The following KIF6 variants were observed in gnomAD, a reference collection of about 807,000 sequenced individuals.
KIF6 encodes kinesin family member 6.
Under a neutral mutation model 112.7 loss-of-function variants are expected in KIF6, and 106 were observed. The observed-to-expected ratio is 0.94, with a 90% CI of 0.80 to 1.11. KIF6 has a LOEUF of 1.11. KIF6 is among the 50% of genes least tolerant of loss of function. The probability of loss-of-function intolerance (pLI) is 0.00; values close to 1 mark genes in which losing one functional copy is unlikely to be tolerated. For missense variants in KIF6, 929 were observed against 964.0 expected, an observed-to-expected ratio of 0.96 and a Z score of 0.48; for synonymous variants, 339 against 339.9, an observed-to-expected ratio of 1.00 and a Z score of 0.03.
At chr6:39,541,800 A>T (rs149373893) in intron 12 of KIF6, among the ~76,000 whole-genome samples, 130 of 152,322 alleles carry the variant, frequency 8.5e-4, no homozygotes, top group Non-Finnish European at 1.4e-3. Flanking sequence ...CTGAGCCATA[A>T]GAAGAACCAG....
chr6:39,595,609 G>C (rs1782207428), intron 7 of KIF6, among the ~76,000 whole-genome samples: 1 of 152,170 alleles, frequency 6.6e-6, no homozygotes, highest in Non-Finnish European at 1.5e-5. Context: ...CATACAATTG[G>C]ATATTGTTCA....
intron 13 of KIF6, among the ~76,000 whole-genome samples, chr6:39,497,283 A>G (rs1775841311): frequency 6.6e-6 from 1 of 152,214 alleles, no homozygotes; most frequent in African/African-American, 2.4e-5. Context: ...CTCAAAAACG[A>G]CTTTCCAGAT....
chr6:39,628,639 T>C (rs1020086036), intron 5 of KIF6, among the ~76,000 whole-genome samples: 2 of 152,178 alleles, frequency 1.3e-5, no homozygotes, highest in Admixed American at 1.3e-4. Flanking sequence ...ATCCAAGTTG[T>C]TAATTATCTC....
chr6:39,662,141 T>C (rs1786188375), intron 3 of KIF6, among the ~76,000 whole-genome samples: 1 of 152,216 alleles, frequency 6.6e-6, no homozygotes, highest in Admixed American at 6.5e-5. Context: ...ATTATGACTT[T>C]AATTTAAAAC....
intron 1 of KIF6, 63 bp from the exon 2 acceptor site, chr6:39,720,874 T>C (rs1301021248): frequency 9.2e-6 from 7 of 758,646 alleles, no homozygotes; most frequent in South Asian, 2.9e-5. Context: ...ACTATCACCA[T>C]GTTATTATGA....
intron 6 of KIF6, among the ~76,000 whole-genome samples, chr6:39,602,407 A>G (rs1782629465): frequency 6.6e-6 from 1 of 152,116 alleles, no homozygotes; most frequent in African/African-American, 2.4e-5. Context: ...CATTCATCTG[A>G]AAGATTACTT....
At chr6:39,543,451 C>T (rs554340295) in intron 12 of KIF6, among the ~76,000 whole-genome samples, 14 of 152,244 alleles carry the variant, frequency 9.2e-5, no homozygotes, top group Middle Eastern at 3.4e-3. Context: ...GAATCTGACA[C>T]ACAGGATCTG....
intron 13 of KIF6, among the ~76,000 whole-genome samples, chr6:39,506,443 G>T (rs1161682847): frequency 6.6e-6 from 1 of 152,028 alleles, no homozygotes; most frequent in Non-Finnish European, 1.5e-5. Context: ...ATTGATAGCT[G>T]CAGGAAATCA....
intron 3 of KIF6, among the ~76,000 whole-genome samples, chr6:39,711,643 T>C (rs1021798413): frequency 1.3e-5 from 2 of 152,142 alleles, no homozygotes; most frequent in African/African-American, 4.8e-5. Flanking sequence ...CTTCAGAAAG[T>C]TCCCCAGTCC....
intron 13 of KIF6, among the ~76,000 whole-genome samples, chr6:39,492,898 G>A (rs1775554004): frequency 6.6e-6 from 1 of 152,188 alleles, no homozygotes; most frequent in Non-Finnish European, 1.5e-5. Context: ...CACAGAACCT[G>A]TCATATTTAT....
chr6:39,348,363 T>G (rs946347982), intron 19 of KIF6, among the ~76,000 whole-genome samples: 56 of 152,064 alleles, frequency 3.7e-4, no homozygotes, highest in African/African-American at 1.3e-3. Context: ...CCGTGGCCAA[T>G]AGGGGCATCT....
Position 39,586,252 on chromosome 6 carries a change from C to G in KIF6, c.990+9G>C. Reference sequence around the variant, plus strand: ...AGATTAAGATCTCCAGAAAGAAGAGCCCACATACATCAAGATTCCTTTTCT... The same window carrying G: ...AGATTAAGATCTCCAGAAAGAAGAGGCCACATACATCAAGATTCCTTTTCT... On this transcript the variant is annotated intron_variant, in intron 8 of 22. Coordinates refer to ENST00000287152, the MANE Select transcript of KIF6 (RefSeq NM_145027.6). 4 of 1,613,942 alleles carry G rather than the reference C, an allele frequency of 2.5e-6. No homozygotes were observed. Among genetic ancestry groups the G allele is most frequent in the Non-Finnish European group, 2.5e-6 (3 of 1,179,878 alleles).
intron 13 of KIF6, among the ~76,000 whole-genome samples, chr6:39,503,068 A>G (rs976489473): frequency 6.6e-6 from 1 of 152,224 alleles, no homozygotes; most frequent in African/African-American, 2.4e-5. Flanking sequence ...CACTTACTCT[A>G]AAATTGATCA....
chr6:39,484,899 C>A (rs1775027968), intron 13 of KIF6, among the ~76,000 whole-genome samples: 1 of 152,146 alleles, frequency 6.6e-6, no homozygotes, highest in Non-Finnish European at 1.5e-5. Context: ...GGGTTTGCCT[C>A]CCCCAGGGAA....
At chr6:39,588,054 A>G (rs1044959403) in intron 7 of KIF6, among the ~76,000 whole-genome samples, 2 of 152,144 alleles carry the variant, frequency 1.3e-5, no homozygotes, top group Non-Finnish European at 2.9e-5. Context: ...CCTGGTTTTC[A>G]TCTTTCCTCA....
At chr6:39,503,774 A>G (rs1562270154) in intron 13 of KIF6, among the ~76,000 whole-genome samples, 1 of 151,920 alleles carries the variant, frequency 6.6e-6, no homozygotes, top group East Asian at 1.9e-4. Flanking sequence ...AGACTGAACC[A>G]GGAAGATAAT....
chr6:39,599,594 C>A (rs1782467763), intron 6 of KIF6, among the ~76,000 whole-genome samples: 3 of 152,160 alleles, frequency 2.0e-5, no homozygotes, highest in Admixed American at 2.0e-4. Flanking sequence ...AATAACTGTG[C>A]ATGTAAAACC....
At chr6:39,368,148 A>T (rs4714245) in intron 16 of KIF6, among the ~76,000 whole-genome samples, 2 of 151,954 alleles carry the variant, frequency 1.3e-5, no homozygotes, top group African/African-American at 4.8e-5. Context: ...CTGTGATAAA[A>T]GTAAATAGGG....
intron 13 of KIF6, among the ~76,000 whole-genome samples, chr6:39,531,341 A>G (rs1778049019): frequency 6.6e-6 from 1 of 152,228 alleles, no homozygotes; most frequent in African/African-American, 2.4e-5. Context: ...ACTCTTGACT[A>G]TAATTATAAG....
Sources: allele counts gnomAD v4.1 joint callset (sites outside exome capture counted in the v4.1 genomes callset), GRCh38; gene constraint gnomAD v4.1.1; transcripts MANE v1.5; gene names NCBI Gene and HGNC (gene_info 2026-07-23, HGNC 2026-07-21).